Variants in PCDHA3 observed in about 807,000 individuals in gnomAD.
The protein encoded by PCDHA3 is protocadherin alpha 3.
In PCDHA3, 41 loss-of-function variants were observed where a neutral mutation model predicts 62.2. That is an observed-to-expected ratio of 0.66 (90% CI 0.51 to 0.86). The LOEUF (loss-of-function observed/expected upper bound fraction) is 0.86. Among genes scored for constraint, PCDHA3 ranks in the 40% least tolerant of loss-of-function variants. The pLI, the probability that PCDHA3 is intolerant of heterozygous loss-of-function variation, is 0.00. For missense variants in PCDHA3, 1,304 were observed against 1,241.2 expected (o/e 1.05, Z -0.76); for synonymous variants, 640 against 555.4 (o/e 1.15, Z -2.14).
rs528840085 is a variant in PCDHA3 at position 140,876,225 on chromosome 5, GT to G, written c.2394+72635del. 8.8e-5 allele frequency: 142 copies of G among 1,613,982 alleles called. No homozygotes were observed. The African/African-American group carries it at 1.7e-3, about 20-fold the overall frequency. The stretch of plus-strand genomic sequence containing the variant: ...ATAAGCCCAGCTATAAAGTAGTGTT[GT>G]CTGAAAATGTCCAAAACGACACAAG... On this transcript the variant is annotated intron_variant, in intron 1 of 3. Coordinates refer to ENST00000522353, the MANE Select transcript of PCDHA3 (RefSeq NM_018906.3).
intron 1 of PCDHA3, chr5:140,875,473 A>G (rs782269579): frequency 6.2e-6 from 10 of 1,606,342 alleles, no homozygotes; most frequent in Non-Finnish European, 8.5e-6. Flanking sequence ...ATTTTCTGCA[A>G]TGGTGATTAT....
intron 1 of PCDHA3, among the ~76,000 whole-genome samples, chr5:140,832,286 G>A (rs1312628580): frequency 6.6e-6 from 1 of 152,184 alleles, no homozygotes; most frequent in Non-Finnish European, 1.5e-5. Flanking sequence ...AGCATGAATG[G>A]TGTATTTGCC....
rs782697989 is a variant in PCDHA3, at chr5:140,858,434, A to G, written c.2394+54843A>G. On this transcript the variant is annotated intron_variant, in intron 1 of 3. Coordinates refer to ENST00000522353, the MANE Select transcript of PCDHA3 (RefSeq NM_018906.3). ...GTCTATTGGAGGGGACCACTCTAGGAAGGTGGGTTATTACGTTTTCATTTT... is the reference window on the plus strand; with the variant it reads ...GTCTATTGGAGGGGACCACTCTAGGGAGGTGGGTTATTACGTTTTCATTTT... 3 of 1,543,272 alleles carry G rather than the reference A, an allele frequency of 1.9e-6. No homozygotes were observed. The Admixed American group carries it at 5.9e-5, about 30-fold the overall frequency.
chr5:140,905,980 G>A (rs2072263534), intron 1 of PCDHA3, among the ~76,000 whole-genome samples: 1 of 152,178 alleles, frequency 6.6e-6, no homozygotes, highest in Non-Finnish European at 1.5e-5. Context: ...CAGCATGGGA[G>A]AAAGATGTAG....
At chr5:140,808,295 G>A (rs1286163937) in intron 1 of PCDHA3, 7 of 1,614,130 alleles carry the variant, frequency 4.3e-6, no homozygotes, top group African/African-American at 1.3e-5. Context: ...TACAGTCATC[G>A]CCCTGATCAG....
At chr5:140,834,257 C>T (rs1276678217) in intron 1 of PCDHA3, 5 of 948,154 alleles carry the variant, frequency 5.3e-6, no homozygotes, top group African/African-American at 1.6e-5. Context: ...GAAAGACGCT[C>T]CACTCTCTTT....
intron 1 of PCDHA3, among the ~76,000 whole-genome samples, chr5:140,917,083 T>C (rs2077876290): frequency 6.6e-6 from 1 of 152,078 alleles, no homozygotes; most frequent in South Asian, 2.1e-4. Flanking sequence ...TAATGTAAAG[T>C]TCCCCAGTTG....
At chr5:140,824,639 T>TTTTTTTTTTTTTTTTTTTGTTTG (rs1554130016) in intron 1 of PCDHA3, 1 of 136,788 alleles carries the variant, frequency 7.3e-6, no homozygotes. Flanking sequence ...TTTTATTTTC[T>TTTTTTTTTTTTTTTTTTTGTTTG]GTAGAGATAG....
intron 1 of PCDHA3, chr5:140,842,219 G>C: frequency 1.9e-6 from 3 of 1,613,252 alleles, no homozygotes; most frequent in Non-Finnish European, 2.5e-6. Context: ...TCGAAATACG[G>C]GAGAAATAGT....
At position 140,843,578 on chromosome 5, in the gene PCDHA3, C is replaced by T. The variant is rs1372766659; in HGVS notation, c.2394+39987C>T. On this transcript the variant is annotated intron_variant, in intron 1 of 3. Coordinates refer to ENST00000522353, the MANE Select transcript of PCDHA3 (RefSeq NM_018906.3). ...GGTGGGGAGCTGGTCATACTCGCAA[C>T]AACAGCCGCAGAGGGTGTGCTCTGG... 9 of 1,595,980 alleles carry T rather than the reference C, an allele frequency of 5.6e-6. 1 individual carries two copies. The highest frequency in any genetic ancestry group is 7.7e-6 in the Non-Finnish European group (9 of 1,165,492).
chr5:140,883,702 T>C (rs367854871), intron 1 of PCDHA3: 80 of 1,613,632 alleles, frequency 5.0e-5, no homozygotes, highest in South Asian at 6.6e-5. Context: ...TCACGGTGTC[T>C]GCTCAGGACG....
intron 1 of PCDHA3, chr5:140,860,741 A>G (rs1051390184): frequency 2.0e-5 from 3 of 152,018 alleles, no homozygotes; most frequent in Non-Finnish European, 2.9e-5. Context: ...TTTGTTTTTT[A>G]TTTTTTATTT....
chr5:140,877,375 C>T (rs782650940), intron 1 of PCDHA3: 4 of 1,614,006 alleles, frequency 2.5e-6, no homozygotes, highest in South Asian at 1.1e-5. Flanking sequence ...CAGCACGACA[C>T]GCATCCTGGA....
At chr5:140,925,800 C>T (rs1318763578) in intron 1 of PCDHA3, among the ~76,000 whole-genome samples, 5 of 152,070 alleles carry the variant, frequency 3.3e-5, no homozygotes, top group African/African-American at 1.2e-4. Context: ...AGTACTTTCC[C>T]CTCCACTTCT....
chr5:140,823,799 C>T (rs1463796705), intron 1 of PCDHA3: 2 of 1,613,668 alleles, frequency 1.2e-6, no homozygotes, highest in Non-Finnish European at 8.5e-7. Flanking sequence ...GGCCAGGCGC[C>T]GAAGGCCTCA....
intron 1 of PCDHA3, among the ~76,000 whole-genome samples, chr5:140,951,897 G>A (rs2094651245): frequency 6.6e-6 from 1 of 152,106 alleles, no homozygotes; most frequent in Non-Finnish European, 1.5e-5. Context: ...CTGCCTATGA[G>A]CCTGTAAAAT....
At chr5:140,806,343 G>T (rs1763720284) in intron 1 of PCDHA3, among the ~76,000 whole-genome samples, 1 of 152,200 alleles carries the variant, frequency 6.6e-6, no homozygotes, top group Admixed American at 6.5e-5. Flanking sequence ...GAACAAGCAA[G>T]TACTTATAAA....
chr5:140,930,824 T>C (rs545304113), intron 1 of PCDHA3, among the ~76,000 whole-genome samples: 16 of 152,342 alleles, frequency 1.1e-4, no homozygotes, highest in African/African-American at 3.8e-4. Context: ...TAGTAAATGC[T>C]GACTGAATGA....
At chr5:140,852,883 G>C in intron 1 of PCDHA3, 1 of 933,168 alleles carries the variant, frequency 1.1e-6, no homozygotes. Flanking sequence ...ATCATAAAAC[G>C]TATTTTTTTT....
Sources: gnomAD v4.1 joint callset for allele counts (sites outside exome capture counted in the v4.1 genomes callset) on GRCh38, gnomAD v4.1.1 for gene constraint, MANE v1.5 for transcripts, NCBI Gene and HGNC (gene_info 2026-07-23, HGNC 2026-07-21) for gene names.